The following OTOP3 variants were observed in gnomAD, a reference collection of about 807,000 sequenced individuals.
The protein encoded by OTOP3 is proton channel OTOP3.
A neutral mutation model predicts 50.8 loss-of-function variants in OTOP3; 41 were observed. The observed-to-expected ratio is 0.81, with a 90% CI of 0.63 to 1.05. The LOEUF (loss-of-function observed/expected upper bound fraction) is 1.05, where lower values mean the gene tolerates loss of function less well. OTOP3 is among the 50% of genes least tolerant of loss of function. OTOP3 has a pLI of 0.00. For synonymous variants in OTOP3, 320 were observed against 324.4 expected (o/e 0.99, Z 0.14); for missense variants, 788 against 760.8 (o/e 1.04, Z -0.42).
At chr17:74,938,739 G>A (rs1338400804) in intron 1 of OTOP3, among the ~76,000 whole-genome samples, 1 of 152,246 alleles carries the variant, frequency 6.6e-6, no homozygotes, top group East Asian at 1.9e-4. Context: ...TGCAGGCTGT[G>A]TCAGTAATTT....
At chr17:74,942,343 AAT>A (rs1204055165) in intron 3 of OTOP3, among the ~76,000 whole-genome samples, 1 of 152,210 alleles carries the variant, frequency 6.6e-6, no homozygotes, top group Admixed American at 6.5e-5. Flanking sequence ...TTAAGAATAC[AAT>A]CTCGGCAGGG....
intron 6 of OTOP3, 136 bp from the exon 7 acceptor site, chr17:74,949,110 C>A: frequency 1.2e-6 from 1 of 864,472 alleles, no homozygotes; most frequent in Non-Finnish European, 1.8e-6. Flanking sequence ...GCTGAAAGCC[C>A]AAGGGTTAGA....
At chr17:74,942,229 A>G (rs1313277231) in intron 3 of OTOP3, among the ~76,000 whole-genome samples, 192 bp downstream of exon 3, 3 of 152,152 alleles carry the variant, frequency 2.0e-5, no homozygotes, top group African/African-American at 7.2e-5. Context: ...TCCTGCATCA[A>G]CACACACACC....
chr17:74,948,843 AT>A (rs1261769573), intron 6 of OTOP3, among the ~76,000 whole-genome samples: 1 of 152,172 alleles, frequency 6.6e-6, no homozygotes, highest in African/African-American at 2.4e-5. Context: ...TCTCAAAAAA[AT>A]AAATAAATAA....
At chr17:74,939,803 C>T (rs142517490) in intron 1 of OTOP3, among the ~76,000 whole-genome samples, 635 of 152,244 alleles carry the variant, frequency 4.2e-3, no homozygotes, top group Non-Finnish European at 5.5e-3. Context: ...AAGTCAAGGG[C>T]GTGGCAGCGA....
intron 1 of OTOP3, 80 bp from the exon 2 acceptor site, chr17:74,941,313 T>C: frequency 7.1e-7 from 1 of 1,399,760 alleles, no homozygotes; most frequent in South Asian, 1.6e-5. Context: ...TGACCCTGGG[T>C]CACACAGCGG....
chr17:74,942,958 G>C (rs775708285), intron 3 of OTOP3, among the ~76,000 whole-genome samples: 1 of 152,100 alleles, frequency 6.6e-6, no homozygotes, highest in Non-Finnish European at 1.5e-5. Flanking sequence ...AAAAAGAAAA[G>C]AATACAATCT....
At chr17:74,936,961 C>G in intron 1 of OTOP3, among the ~76,000 whole-genome samples, 1 of 101,322 alleles carries the variant, frequency 9.9e-6, no homozygotes, top group African/African-American at 3.6e-5. Flanking sequence ...CCCCCCCACC[C>G]TTTTTTTTTT....
chr17:74,945,520 C>T (rs2039217606), intron 5 of OTOP3, among the ~76,000 whole-genome samples: 1 of 152,198 alleles, frequency 6.6e-6, no homozygotes, highest in African/African-American at 2.4e-5. Context: ...TCCCTCTCCC[C>T]TACTTTTCCT....
At position 74,941,842 on chromosome 17, in the gene OTOP3, G is replaced by A. The variant is rs769468210; in HGVS notation, c.436+33G>A. 27 of 1,592,218 alleles carry A rather than the reference G, an allele frequency of 1.7e-5. 1 individual carries two copies. The highest frequency in any genetic ancestry group is 2.1e-5 in the Non-Finnish European group (25 of 1,166,632). ...TCAGGTTGCTGGGGGGCTGGGCAGG[G>A]GTGGGGAGGGAGAGCCGGTTCCGCG... On this transcript the variant is annotated intron_variant, in intron 2 of 6. Transcript: ENST00000328801.
At position 74,941,403 on chromosome 17, in the gene OTOP3, GGCTA is replaced by G; in HGVS notation, c.31_34del (p.Ala11HisfsTer41). The G allele has an allele frequency of 5.9e-6, 9 of 1,528,018 alleles. No individual in the cohort carries two copies. The highest frequency in any genetic ancestry group is 7.0e-6 in the Non-Finnish European group (8 of 1,136,862). 94.7% of individuals were successfully genotyped at this position (1,528,018 alleles called of 1,614,324 possible). A position where few individuals can be genotyped will look rare whatever the true frequency, so the allele number is the denominator to read the frequency against. On this transcript the variant is annotated frameshift_variant, in exon 2 of 7. Transcript: ENST00000328801. LOFTEE classifies it high-confidence loss of function. The stretch of plus-strand genomic sequence containing the variant: ...TTTCTCCATCTCCAGCCCCTGCTGA[GGCTA>G]CACCCATGCCTTCTTCAGAAGCACA...
Position 74,947,463 on chromosome 17 carries a change from CT to C in OTOP3, c.1555del (p.Cys519AlafsTer7). 6.2e-7 allele frequency: 1 copy of C among 1,600,404 alleles called. No individual in the cohort carries two copies. Among genetic ancestry groups the C allele is most frequent in the Non-Finnish European group, 8.5e-7 (1 of 1,172,178 alleles). ...LKEISLFLIL[C>X]NITLWMMPAF... ...AGGAGATCTCACTCTTCCTCATCCT[CT>C]GCAATATCACAGTAAGTGGCTGGGC... On this transcript the variant is annotated frameshift_variant, in exon 6 of 7. Coordinates refer to ENST00000328801, the MANE Select transcript of OTOP3 (RefSeq NM_001272005.2). LOFTEE classifies it high-confidence loss of function.
chr17:74,938,887 G>T (rs1299570920), intron 1 of OTOP3, among the ~76,000 whole-genome samples: 1 of 152,072 alleles, frequency 6.6e-6, no homozygotes, highest in East Asian at 1.9e-4. Flanking sequence ...AAAAATCAGG[G>T]CCAGGCATGG....
At chr17:74,940,365 G>C (rs1163394412) in intron 1 of OTOP3, among the ~76,000 whole-genome samples, 1 of 151,912 alleles carries the variant, frequency 6.6e-6, no homozygotes, top group Non-Finnish European at 1.5e-5. Flanking sequence ...AACTAGAACA[G>C]TAAAGCTAAA....
chr17:74,946,718 G>A lies in OTOP3; in HGVS notation c.809G>A (p.Arg270Lys), dbSNP rs768285859. 1 of 1,613,108 alleles carries A rather than the reference G, an allele frequency of 6.2e-7. No homozygotes were observed. The highest frequency in any genetic ancestry group is 8.5e-7 in the Non-Finnish European group (1 of 1,179,902). Residue 270 changes from arginine (R) to lysine (K), a missense_variant, in exon 6 of 7, where the codon AGA becomes AAA. Coordinates refer to ENST00000328801, the MANE Select transcript of OTOP3 (RefSeq NM_001272005.2). ...GCCACCGCGTGTGAAGCTTTCCGGA[G>A]AGGCTTCCTGATGCTCTACCCCTTC... ...LNATACEAFR[R>K]GFLMLYPFST... is the part of the protein sequence containing the mutation.
chr17:74,938,210 C>A (rs897735817), intron 1 of OTOP3, among the ~76,000 whole-genome samples: 1 of 152,058 alleles, frequency 6.6e-6, no homozygotes, highest in African/African-American at 2.4e-5. Flanking sequence ...AAATATGGAG[C>A]AGGTGGAGAA....
chr17:74,936,317 G>A (rs1598599859), intron 1 of OTOP3, among the ~76,000 whole-genome samples: 1 of 152,106 alleles, frequency 6.6e-6, no homozygotes, highest in African/African-American at 2.4e-5. Context: ...CCCTAAAATG[G>A]CTCGGAAGGA....
At chr17:74,943,436 G>A (rs1035648992) in intron 4 of OTOP3, 92 bp downstream of exon 4, 30 of 1,465,548 alleles carry the variant, frequency 2.0e-5, no homozygotes, top group Non-Finnish European at 2.8e-5. Context: ...AGGTTAGTCT[G>A]GGATGTGTCC....
chr17:74,940,582 C>T (rs1196537357), intron 1 of OTOP3, among the ~76,000 whole-genome samples: 2 of 152,146 alleles, frequency 1.3e-5, no homozygotes, highest in African/African-American at 2.4e-5. Flanking sequence ...GTCAGATCAG[C>T]AGTGGCAACA....
Sources: allele counts gnomAD v4.1 joint callset (sites outside exome capture counted in the v4.1 genomes callset), GRCh38; gene constraint gnomAD v4.1.1; transcripts MANE v1.5; gene names NCBI Gene and HGNC (gene_info 2026-07-23, HGNC 2026-07-21).